The following TIMMDC1 variants were observed in gnomAD, a reference collection of about 807,000 sequenced individuals.
TIMMDC1 encodes complex I assembly factor TIMMDC1, mitochondrial.
Under a neutral mutation model 32.6 loss-of-function variants are expected in TIMMDC1, and 25 were observed. The ratio of observed to expected loss-of-function variants is 0.77; its 90% confidence interval spans 0.56 to 1.07. TIMMDC1 has a LOEUF of 1.07. TIMMDC1 is among the 50% of genes least tolerant of loss of function. TIMMDC1 has a pLI of 0.00. For synonymous variants in TIMMDC1, 130 were observed against 127.6 expected (o/e 1.02, Z -0.13); for missense variants, 329 against 349.2 (o/e 0.94, Z 0.46).
Position 119,509,607 on chromosome 3 carries a change from G to A in TIMMDC1, c.518-4034G>A, listed in dbSNP as rs572171938. Reference sequence around the variant, plus strand: ...TTGGGAACCAGGAGTAACCACAAATGGGCGTGGGGGATCTTTTTGTAATGA... The same window carrying A: ...TTGGGAACCAGGAGTAACCACAAATAGGCGTGGGGGATCTTTTTGTAATGA... On this transcript the variant is annotated intron_variant, in intron 4 of 6. Coordinates refer to ENST00000494664, the MANE Select transcript of TIMMDC1 (RefSeq NM_016589.4). Among the ~76,000 whole-genome samples the A allele has an allele frequency of 3.9e-5, 6 of 152,204 alleles. No individual in the cohort carries two copies. The South Asian group carries it at 1.2e-3, about 32-fold the overall frequency.
At chr3:119,521,454 G>A (rs1054369403) in intron 6 of TIMMDC1, among the ~76,000 whole-genome samples, 7 of 152,220 alleles carry the variant, frequency 4.6e-5, no homozygotes, top group African/African-American at 1.4e-4. Flanking sequence ...GGCTGAGGCA[G>A]GAGGATTGTT....
rs1281719796 is a variant in TIMMDC1 at position 119,516,291 on chromosome 3, C to A, written c.597-914C>A. 5.2e-5 allele frequency among the ~76,000 whole-genome samples: 5 copies of A among 95,486 alleles called. No individual in the cohort carries two copies. In the Admixed American group the frequency reaches 5.6e-4, roughly 11 times the overall value. 62.6% of individuals were successfully genotyped at this position (95,486 alleles called of 152,430 possible). On this transcript the variant is annotated intron_variant, in intron 5 of 6. Coordinates refer to ENST00000494664, the MANE Select transcript of TIMMDC1 (RefSeq NM_016589.4). ...CCCTCAGCAAATATATTTCTACTTT[C>A]TGTTTCTAAGATTTTGACTACTTTA...
chr3:119,523,892 CTTGTCT>C lies in TIMMDC1; in HGVS notation c.*139_*144del. 1 of 810,518 alleles carries C rather than the reference CTTGTCT, an allele frequency of 1.2e-6. No individual in the cohort carries two copies. Among genetic ancestry groups the C allele is most frequent in the South Asian group, 2.6e-5 (1 of 38,648 alleles). 50.2% of individuals were successfully genotyped at this position (810,518 alleles called of 1,614,324 possible). A position where few individuals can be genotyped will look rare whatever the true frequency, so the allele number is the denominator to read the frequency against. On this transcript the variant is annotated 3_prime_UTR_variant, in exon 7 of 7. Transcript: ENST00000494664. ...GTACCTGTGGTGGCAGTGGCTTGCT[CTTGTCT>C]TTTTCTTTTCTTTTTAACTAAGAAT...
chr3:119,500,251 T>G (rs868555039), intron 1 of TIMMDC1: 1 of 152,878 alleles, frequency 6.5e-6, no homozygotes, highest in Middle Eastern at 3.4e-3. Flanking sequence ...GGTCTCTCTA[T>G]CCAACTCACA....
At chr3:119,508,072 C>A (rs1313736728) in intron 4 of TIMMDC1, among the ~76,000 whole-genome samples, 1 of 152,128 alleles carries the variant, frequency 6.6e-6, no homozygotes, top group Non-Finnish European at 1.5e-5. Context: ...TGAGGGCAGG[C>A]CTTAGTGAGA....
rs2107737119 is a variant in TIMMDC1 at position 119,523,875 on chromosome 3, G to A, written c.*119G>A. On this transcript the variant is annotated 3_prime_UTR_variant, in exon 7 of 7. Coordinates refer to ENST00000494664, the MANE Select transcript of TIMMDC1 (RefSeq NM_016589.4). The stretch of plus-strand genomic sequence containing the variant: ...GACAAATTTAAGTGCTGGTACCTGT[G>A]GTGGCAGTGGCTTGCTCTTGTCTTT... The A allele has an allele frequency of 2.0e-6, 2 of 997,950 alleles. No homozygotes were observed. Among genetic ancestry groups the A allele is most frequent in the Non-Finnish European group, 2.8e-6 (2 of 702,386 alleles). 61.8% of individuals were successfully genotyped at this position (997,950 alleles called of 1,614,324 possible). A position where few individuals can be genotyped will look rare whatever the true frequency, so the allele number is the denominator to read the frequency against.
At chr3:119,514,890 C>G (rs985705028) in intron 5 of TIMMDC1, among the ~76,000 whole-genome samples, 4 of 152,056 alleles carry the variant, frequency 2.6e-5, no homozygotes, top group Admixed American at 2.6e-4. Flanking sequence ...AGGTTGTTGA[C>G]AGAATTTAGT....
chr3:119,510,485 G>T (rs1489554237), intron 4 of TIMMDC1, among the ~76,000 whole-genome samples: 1 of 152,022 alleles, frequency 6.6e-6, no homozygotes, highest in Non-Finnish European at 1.5e-5. Flanking sequence ...TAAGAGCATA[G>T]CAAAGACATT....
chr3:119,512,440 G>A (rs979698014), intron 4 of TIMMDC1, among the ~76,000 whole-genome samples: 4 of 151,790 alleles, frequency 2.6e-5, no homozygotes, highest in Non-Finnish European at 2.9e-5. Context: ...CGCCATGCCC[G>A]GCTAATTTTT....
At chr3:119,500,625 AT>A (rs2081866227) in intron 1 of TIMMDC1, 69 bp from the exon 2 acceptor site, 1 of 1,420,764 alleles carries the variant, frequency 7.0e-7, no homozygotes, top group Non-Finnish European at 9.6e-7. Flanking sequence ...GTTAATTCTG[AT>A]TATAGAGTCT....
intron 5 of TIMMDC1, among the ~76,000 whole-genome samples, chr3:119,514,624 T>A (rs1422527282): frequency 6.6e-6 from 1 of 152,206 alleles, no homozygotes; most frequent in Non-Finnish European, 1.5e-5. Context: ...TCCTCATGTA[T>A]CACATCAGGA....
rs2081990177 is a variant in TIMMDC1 at position 119,517,233 on chromosome 3, T to C, written c.625T>C (p.Phe209Leu). ...GTPVGGLLMA[F>L]QKYSGETVQE... ...TCCTGTAGGAGGCCTGCTGATGGCA[T>C]TTCAGAAGTACTCTGGTGAGACTGT... Residue 209 changes from phenylalanine to leucine, a missense_variant, in exon 6 of 7, where the codon TTT becomes CTT. Transcript: ENST00000494664. The C allele has an allele frequency of 1.9e-6, 3 of 1,613,726 alleles. No individual in the cohort carries two copies. The highest frequency in any genetic ancestry group is 1.7e-6 in the Non-Finnish European group (2 of 1,179,696).
intron 1 of TIMMDC1, 88 bp downstream of exon 1, chr3:119,499,015 C>A: frequency 9.3e-7 from 1 of 1,073,504 alleles, no homozygotes; most frequent in Non-Finnish European, 1.4e-6. Context: ...CTTAGGACAC[C>A]AAGGATGGTG....
chr3:119,504,710 G>GAATAAGTTCAAGAGA (rs2081904116), intron 4 of TIMMDC1, among the ~76,000 whole-genome samples: 1 of 152,128 alleles, frequency 6.6e-6, no homozygotes, highest in South Asian at 2.1e-4. Flanking sequence ...TAGACAGGAG[G>GAATAAGTTCAAGAGA]AATAAGTTCA....
chr3:119,519,973 A>C (rs1233400889), intron 6 of TIMMDC1, among the ~76,000 whole-genome samples: 1 of 152,202 alleles, frequency 6.6e-6, no homozygotes, highest in African/African-American at 2.4e-5. Context: ...AAACTGTGCA[A>C]ATACACAGAA....
chr3:119,505,646 C>T (rs951300958), intron 4 of TIMMDC1, among the ~76,000 whole-genome samples: 1 of 152,168 alleles, frequency 6.6e-6, no homozygotes, highest in African/African-American at 2.4e-5. Flanking sequence ...GGATTACAGG[C>T]GTAAGCTACC....
chr3:119,505,167 G>C (rs892009672), intron 4 of TIMMDC1, among the ~76,000 whole-genome samples: 13 of 151,650 alleles, frequency 8.6e-5, no homozygotes, highest in African/African-American at 3.1e-4. Flanking sequence ...GCTTAATTTA[G>C]CCATTCCCCA....
At chr3:119,503,308 A>G (rs57237743) in intron 2 of TIMMDC1, among the ~76,000 whole-genome samples, 6,755 of 152,322 alleles carry the variant, frequency 0.044, 466 homozygotes, top group African/African-American at 0.15. Context: ...AGTATCAGAT[A>G]AGGGATACTC....
chr3:119,525,054 C>T lies in TIMMDC1; in HGVS notation c.*1298C>T, dbSNP rs1476763990. 1 of 152,184 alleles carries T rather than the reference C, an allele frequency of 6.6e-6. No individual in the cohort carries two copies. The highest frequency in any genetic ancestry group is 6.5e-5 in the Admixed American group (1 of 15,270). The allele number at this position is 152,184 out of a possible 1,614,324, so 9.4% of individuals were successfully genotyped here. On this transcript the variant is annotated 3_prime_UTR_variant, in exon 7 of 7. Coordinates refer to ENST00000494664, the MANE Select transcript of TIMMDC1 (RefSeq NM_016589.4). ...AAGTCTTTGGACTATCCCTTTCCTC[C>T]TTGACTACTGCTTTGACGTACCTAA...
Sources: gnomAD v4.1 joint callset for allele counts (sites outside exome capture counted in the v4.1 genomes callset) on GRCh38, gnomAD v4.1.1 for gene constraint, MANE v1.5 for transcripts, NCBI Gene and HGNC (gene_info 2026-07-23, HGNC 2026-07-21) for gene names.